The following SEMA3A variants were observed in gnomAD, a reference collection of about 807,000 sequenced individuals.
The protein encoded by SEMA3A is semaphorin-3A.
In SEMA3A, 29 loss-of-function variants were observed where a neutral mutation model predicts 97.9. That is an observed-to-expected ratio of 0.30 (90% confidence interval 0.22 to 0.40). The LOEUF (loss-of-function observed/expected upper bound fraction) is 0.40, where lower values mean the gene tolerates loss of function less well. Ranked by LOEUF, SEMA3A falls within the 10% of genes least tolerant of loss-of-function variation. SEMA3A has a pLI of 1.00. For missense variants in SEMA3A, 763 were observed against 951.3 expected (o/e 0.80, Z 2.60); for synonymous variants, 321 against 323.7 (o/e 0.99, Z 0.09).
chr7:84,161,776 A>G (rs1462808639), intron 1 of SEMA3A, among the ~76,000 whole-genome samples: 4 of 152,226 alleles, frequency 2.6e-5, no homozygotes, highest in Non-Finnish European at 5.9e-5. Context: ...AAAAGCAAAT[A>G]TATGCTCAAA....
intron 1 of SEMA3A, among the ~76,000 whole-genome samples, chr7:84,436,632 T>C (rs1805138472): frequency 6.6e-6 from 1 of 152,178 alleles, no homozygotes; most frequent in Non-Finnish European, 1.5e-5. Context: ...GATTTCTTTG[T>C]GTTATAATAT....
chr7:84,232,413 G>C (rs1037155446), intron 3 of SEMA3A, among the ~76,000 whole-genome samples: 1 of 150,364 alleles, frequency 6.7e-6, no homozygotes, highest in African/African-American at 2.4e-5. Context: ...GTCTGTGATA[G>C]ATTGTTTAAT....
intron 2 of SEMA3A, among the ~76,000 whole-genome samples, chr7:84,358,586 G>A (rs960724970): frequency 2.0e-5 from 3 of 152,056 alleles, no homozygotes; most frequent in Non-Finnish European, 2.9e-5. Flanking sequence ...CTCCAGCTTT[G>A]TTCTTTTGGC....
At chr7:84,005,610 T>C in intron 10 of SEMA3A, 52 bp from the exon 11 acceptor site, 1 of 1,205,580 alleles carries the variant, frequency 8.3e-7, no homozygotes, top group Non-Finnish European at 1.2e-6. Flanking sequence ...ATAAACATAA[T>C]TATAAATTAT....
chr7:84,429,381 A>C (rs1397163150), intron 1 of SEMA3A, among the ~76,000 whole-genome samples: 1 of 151,188 alleles, frequency 6.6e-6, no homozygotes, highest in African/African-American at 2.4e-5. Flanking sequence ...GGGATCACTA[A>C]GTTGTTTGAT....
intron 1 of SEMA3A, among the ~76,000 whole-genome samples, chr7:84,477,040 A>G (rs537880628): frequency 6.7e-6 from 1 of 149,228 alleles, no homozygotes; most frequent in South Asian, 2.1e-4. Context: ...GCAGTATGGT[A>G]GAGTATATGC....
intron 3 of SEMA3A, among the ~76,000 whole-genome samples, chr7:84,239,361 T>C (rs1013295743): frequency 8.5e-5 from 13 of 152,304 alleles, no homozygotes; most frequent in African/African-American, 2.6e-4. Flanking sequence ...ATTTTGCCCA[T>C]GGGCAATTGT....
chr7:84,029,967 T>C (rs1299537027), intron 6 of SEMA3A, among the ~76,000 whole-genome samples: 1 of 152,106 alleles, frequency 6.6e-6, no homozygotes, highest in African/African-American at 2.4e-5. Flanking sequence ...TCTTTTTACA[T>C]TGTCAACGTA....
intron 1 of SEMA3A, among the ~76,000 whole-genome samples, chr7:84,445,665 T>TA (rs1445584333): frequency 6.6e-6 from 1 of 151,440 alleles, no homozygotes. Context: ...GGAAAATACT[T>TA]AGAGATTAAA....
chr7:84,366,706 T>C (rs1160531035), intron 2 of SEMA3A, among the ~76,000 whole-genome samples: 1 of 151,334 alleles, frequency 6.6e-6, no homozygotes, highest in Non-Finnish European at 1.5e-5. Context: ...CCCCAAGAGA[T>C]TCACTTGGTT....
At chr7:84,237,781 T>C (rs2116372068) in intron 3 of SEMA3A, among the ~76,000 whole-genome samples, 1 of 152,244 alleles carries the variant, frequency 6.6e-6, no homozygotes, top group Non-Finnish European at 1.5e-5. Context: ...CTTTAGTCAC[T>C]ATGGTTTACT....
At chr7:84,269,041 C>G (rs1378477950) in intron 3 of SEMA3A, among the ~76,000 whole-genome samples, 2 of 152,108 alleles carry the variant, frequency 1.3e-5, no homozygotes, top group African/African-American at 4.8e-5. Flanking sequence ...TTTCTTCATT[C>G]TTTCTTCTTT....
chr7:84,281,777 C>T lies in SEMA3A; in HGVS notation c.-83+25430G>A, dbSNP rs1562885133. Among the ~76,000 whole-genome samples, 4 of 151,920 alleles carry T rather than the reference C, an allele frequency of 2.6e-5. No individual in the cohort carries two copies. The South Asian group carries it at 8.3e-4, about 32-fold the overall frequency. On this transcript the variant is annotated intron_variant, in intron 3 of 3. Transcript: ENST00000424555. ...AGCTTTCTTATCTCAATGTCTACAG[C>T]TATAAAATGGGGGAAAATGTGGATA... is the stretch of plus-strand genomic sequence containing the variant.
chr7:84,130,932 T>C (rs1251029496), intron 2 of SEMA3A, among the ~76,000 whole-genome samples: 1 of 152,072 alleles, frequency 6.6e-6, no homozygotes, highest in Non-Finnish European at 1.5e-5. Flanking sequence ...TGTTTTCTCA[T>C]AGTTTCCTAG....
chr7:84,443,115 G>T (rs1805311877), intron 1 of SEMA3A, among the ~76,000 whole-genome samples: 1 of 152,054 alleles, frequency 6.6e-6, no homozygotes, highest in African/African-American at 2.4e-5. Flanking sequence ...AAATGAATTA[G>T]ATCTAACAGA....
chr7:84,054,223 G>A, intron 5 of SEMA3A, among the ~76,000 whole-genome samples: 1 of 152,260 alleles, frequency 6.6e-6, no homozygotes, highest in Non-Finnish European at 1.5e-5. Flanking sequence ...GTATCTTTGT[G>A]GCATTCTCTA....
intron 1 of SEMA3A, among the ~76,000 whole-genome samples, chr7:84,447,777 G>C (rs909396484): frequency 3.3e-5 from 5 of 152,150 alleles, no homozygotes; most frequent in African/African-American, 9.7e-5. Context: ...CTCCCCCAAC[G>C]CCTGCTTGCC....
chr7:84,176,697 C>A (rs1797578758), intron 1 of SEMA3A, among the ~76,000 whole-genome samples: 1 of 152,134 alleles, frequency 6.6e-6, no homozygotes, highest in South Asian at 2.1e-4. Flanking sequence ...GGGAGCAATT[C>A]CTGTCATTCC....
At chr7:84,404,649 G>A (rs1415220760) in intron 1 of SEMA3A, among the ~76,000 whole-genome samples, 1 of 152,088 alleles carries the variant, frequency 6.6e-6, no homozygotes, top group Non-Finnish European at 1.5e-5. Context: ...AGAGAGAAAG[G>A]TCGGGTTACC....
Sources: allele counts gnomAD v4.1 joint callset (sites outside exome capture counted in the v4.1 genomes callset), GRCh38; gene constraint gnomAD v4.1.1; transcripts MANE v1.5; gene names NCBI Gene and HGNC (gene_info 2026-07-23, HGNC 2026-07-21).